SCAI: variants seen among roughly 807,000 people sequenced by gnomAD.
SCAI encodes the protein protein SCAI.
SCAI carries 24 observed loss-of-function variants against 92.2 expected under a neutral mutation model. The ratio of observed to expected loss-of-function variants is 0.26; its 90% CI spans 0.19 to 0.37. SCAI has a LOEUF of 0.37. Ranked by LOEUF, SCAI falls within the 10% of genes least tolerant of loss-of-function variation. SCAI has a pLI of 1.00. For missense variants in SCAI, 450 were observed against 736.2 expected, an observed-to-expected ratio of 0.61 and a Z score of 4.50; for synonymous variants, 261 against 258.6, an observed-to-expected ratio of 1.01 and a Z score of -0.09.
intron 2 of SCAI, among the ~76,000 whole-genome samples, chr9:125,096,869 T>C (rs1469968839): frequency 6.6e-6 from 1 of 152,260 alleles, no homozygotes; most frequent in Non-Finnish European, 1.5e-5. Flanking sequence ...ACTGGCCTTA[T>C]TCACTTAAAG....
chr9:125,142,817 G>A, intron 1 of SCAI, 140 bp from the exon 2 acceptor site: 1 of 694,196 alleles, frequency 1.4e-6, no homozygotes, highest in Non-Finnish European at 2.6e-6. Context: ...CCTTACAAAC[G>A]CCTCATGCCC....
At chr9:125,050,764 T>G (rs1208745979) in intron 3 of SCAI, among the ~76,000 whole-genome samples, 56 of 151,900 alleles carry the variant, frequency 3.7e-4, no homozygotes, top group Non-Finnish European at 8.8e-5. Context: ...GTAGATGGAG[T>G]CTTCCTATGT....
chr9:124,970,988 T>A (rs925887049), intron 17 of SCAI, among the ~76,000 whole-genome samples: 3 of 151,844 alleles, frequency 2.0e-5, no homozygotes, highest in Non-Finnish European at 4.4e-5. Context: ...CTAATTTTTT[T>A]ATTTTTAGTA....
At chr9:125,104,413 C>T (rs1027705591) in intron 2 of SCAI, among the ~76,000 whole-genome samples, 1 of 152,112 alleles carries the variant, frequency 6.6e-6, no homozygotes, top group Non-Finnish European at 1.5e-5. Context: ...ATAGTTATAC[C>T]TTTGCCACTG....
chr9:125,012,013 C>A (rs976195188), intron 9 of SCAI, among the ~76,000 whole-genome samples: 4 of 152,154 alleles, frequency 2.6e-5, no homozygotes, highest in African/African-American at 7.2e-5. Flanking sequence ...GCCTGCCCTA[C>A]AAGAGCTCCT....
chr9:125,036,768 A>G (rs1392939791), intron 3 of SCAI, among the ~76,000 whole-genome samples: 3 of 152,202 alleles, frequency 2.0e-5, no homozygotes, highest in South Asian at 2.1e-4. Context: ...CAAGCATATA[A>G]CTGTGCATGT....
At chr9:125,093,597 G>A (rs533634429) in intron 2 of SCAI, among the ~76,000 whole-genome samples, 13 of 144,286 alleles carry the variant, frequency 9.0e-5, no homozygotes, top group African/African-American at 2.6e-4. Context: ...ACAGGGTCTC[G>A]CTCTGTCACC....
intron 13 of SCAI, among the ~76,000 whole-genome samples, chr9:124,997,577 CT>C (rs1294444145): frequency 1.3e-5 from 2 of 151,986 alleles, no homozygotes; most frequent in African/African-American, 4.8e-5. Context: ...AGTTGTTATG[CT>C]TAGAAAAAGA....
At chr9:124,966,201 A>T (rs1255413807) in intron 17 of SCAI, among the ~76,000 whole-genome samples, 1 of 150,406 alleles carries the variant, frequency 6.6e-6, no homozygotes, top group Non-Finnish European at 1.5e-5. Flanking sequence ...TACATTAGGT[A>T]TATCTCCTAA....
At chr9:125,108,256 C>G (rs1406415618) in intron 2 of SCAI, among the ~76,000 whole-genome samples, 1 of 152,258 alleles carries the variant, frequency 6.6e-6, no homozygotes, top group African/African-American at 2.4e-5. Context: ...GCCGCCACCC[C>G]GTCTGGGAAG....
chr9:125,003,683 A>G (rs761048796), intron 9 of SCAI, 113 bp from the exon 10 acceptor site: 12 of 667,532 alleles, frequency 1.8e-5, no homozygotes, highest in Non-Finnish European at 3.1e-5. Flanking sequence ...GGCTTTGGGT[A>G]CCTTTTTCTC....
chr9:125,072,229 G>A (rs1198130909), intron 2 of SCAI, among the ~76,000 whole-genome samples: 1 of 151,966 alleles, frequency 6.6e-6, no homozygotes, highest in African/African-American at 2.4e-5. Context: ...TCACCATGTT[G>A]GCCAGGATGG....
At chr9:125,037,505 TG>T in intron 3 of SCAI, among the ~76,000 whole-genome samples, 1 of 152,182 alleles carries the variant, frequency 6.6e-6, no homozygotes, top group East Asian at 1.9e-4. Flanking sequence ...AATATTTTAG[TG>T]TATTTCTTGC....
chr9:125,113,490 C>T (rs556648768), intron 2 of SCAI, among the ~76,000 whole-genome samples: 1 of 151,692 alleles, frequency 6.6e-6, no homozygotes, highest in African/African-American at 2.4e-5. Context: ...CTGGGTGCAA[C>T]AGAAAAAGGA....
chr9:124,976,159 G>C lies in SCAI; in HGVS notation c.1354C>G (p.Leu452Val). The C allele has an allele frequency of 3.1e-6, 5 of 1,612,304 alleles. No individual in the cohort carries two copies. Among genetic ancestry groups the C allele is most frequent in the Non-Finnish European group, 4.2e-6 (5 of 1,178,370 alleles). ...KNFTNLFGQPLVCLLSPTAYP... is the reference protein window; with the variant it reads ...KNFTNLFGQPVVCLLSPTAYP... ...GCTGTAGGAGAAAGCAAGCAGACTA[G>C]TGGCTGTCCAAACAAGTTTGTGAAA... is the stretch of plus-strand genomic sequence containing the variant. The change falls in exon 15 of 18, where the codon CTA (leucine) becomes GTA (valine). Residue 452 changes from leucine (L) to valine (V), a missense_variant. By Grantham distance (32) the Leu-to-Val change is conservative. Around this residue, in one of 3 missense-constraint regions of SCAI, gnomAD observed 360 missense variants for 601.8 expected, o/e 0.60. Coordinates refer to ENST00000336505, the MANE Select transcript of SCAI (RefSeq NM_001144877.3).
rs375797255 is a variant in SCAI at position 124,996,356 on chromosome 9, C to T, written c.1245-1341G>A. ...TCACTTTGTCACCAAGACTGGAGTA[C>T]AGTGGCAAGATCATAGCTAACTGCA... On this transcript the variant is annotated intron_variant, in intron 13 of 17. Coordinates refer to ENST00000336505, the MANE Select transcript of SCAI (RefSeq NM_001144877.3). 1.5e-3 allele frequency among the ~76,000 whole-genome samples: 227 copies of T among 152,220 alleles called. 2 individuals carry two copies. The highest frequency in any genetic ancestry group is 6.0e-3 in the South Asian group (29 of 4,820).
At chr9:125,012,351 T>C (rs1330548935) in intron 9 of SCAI, among the ~76,000 whole-genome samples, 4 of 151,040 alleles carry the variant, frequency 2.6e-5, no homozygotes, top group East Asian at 1.9e-4. Flanking sequence ...ACCAAGCAAA[T>C]GGAAAACAAA....
At chr9:125,107,705 C>A (rs1834829416) in intron 2 of SCAI, among the ~76,000 whole-genome samples, 1 of 152,136 alleles carries the variant, frequency 6.6e-6, no homozygotes. Flanking sequence ...GTGAGCCTGG[C>A]TGCAGTGAGT....
chr9:124,988,049 C>T (rs1006540367), intron 14 of SCAI, among the ~76,000 whole-genome samples: 2 of 152,000 alleles, frequency 1.3e-5, no homozygotes, highest in Admixed American at 1.3e-4. Context: ...CACACACACA[C>T]ACACACAACA....
Sources: allele counts gnomAD v4.1 joint callset (sites outside exome capture counted in the v4.1 genomes callset), GRCh38; gene constraint gnomAD v4.1.1; regional missense constraint gnomAD v4.1.1; transcripts MANE v1.5; gene names NCBI Gene and HGNC (gene_info 2026-07-23, HGNC 2026-07-21).